OSBPL1A: variants seen among roughly 807,000 people sequenced by gnomAD.
OSBPL1A encodes the protein oxysterol binding protein like 1A, also known as oxysterol-binding protein-related protein 1.
Under a neutral mutation model 137.1 loss-of-function variants are expected in OSBPL1A, and 80 were observed. The observed-to-expected ratio is 0.58, with a 90% CI of 0.49 to 0.70. The LOEUF (loss-of-function observed/expected upper bound fraction) is 0.70, where lower values mean the gene tolerates loss of function less well. Among genes scored for constraint, OSBPL1A ranks in the 30% least tolerant of loss-of-function variants. OSBPL1A has a pLI of 0.00. For missense variants in OSBPL1A, 970 were observed against 1,129.4 expected, an observed-to-expected ratio of 0.86 and a Z score of 2.02; for synonymous variants, 365 against 389.7, an observed-to-expected ratio of 0.94 and a Z score of 0.75.
chr18:24,219,221 A>G (rs181363238), intron 17 of OSBPL1A, among the ~76,000 whole-genome samples: 26 of 152,212 alleles, frequency 1.7e-4, no homozygotes, highest in African/African-American at 5.5e-4. Flanking sequence ...GAGACCAAGG[A>G]GGTTGAGGCT....
intron 14 of OSBPL1A, among the ~76,000 whole-genome samples, chr18:24,281,274 C>T (rs1162279183): frequency 1.3e-5 from 2 of 151,818 alleles, no homozygotes; most frequent in Non-Finnish European, 2.9e-5. Context: ...TTAGTAGAGA[C>T]GGGGATTCAC....
intron 2 of OSBPL1A, among the ~76,000 whole-genome samples, chr18:24,371,691 T>C (rs1228402408): frequency 1.3e-5 from 2 of 152,146 alleles, no homozygotes; most frequent in African/African-American, 4.8e-5. Context: ...CATTCTACTC[T>C]TCACTGGCTC....
At chr18:24,178,263 T>C (rs1365997620) in intron 20 of OSBPL1A, 68 bp from the exon 21 acceptor site, 1 of 1,301,498 alleles carries the variant, frequency 7.7e-7, no homozygotes, top group Non-Finnish European at 1.0e-6. Flanking sequence ...TCATTAAACA[T>C]GTACATAATT....
Position 24,213,776 on chromosome 18 carries a change from TTAA to T in OSBPL1A, c.1601+11263_1601+11265del, listed in dbSNP as rs1363794792. On this transcript the variant is annotated intron_variant, in intron 17 of 27. Coordinates refer to ENST00000319481, the MANE Select transcript of OSBPL1A (RefSeq NM_080597.4). ...ACAAGAGGTTTTACTTGTTTTGACT[TTAA>T]TAAGTTAAAATTGTATGTACACAAT... Among the ~76,000 whole-genome samples, 3 of 152,216 alleles carry T rather than the reference TTAA, an allele frequency of 2.0e-5. No individual in the cohort carries two copies. In the South Asian group the frequency reaches 6.2e-4, roughly 31 times the overall value.
At chr18:24,382,509 C>T (rs1227776032) in intron 1 of OSBPL1A, among the ~76,000 whole-genome samples, 3 of 151,302 alleles carry the variant, frequency 2.0e-5, no homozygotes, top group Admixed American at 2.0e-4. Flanking sequence ...CCCAGGAGGT[C>T]GAGGCTGCAG....
At position 24,181,217 on chromosome 18, in the gene OSBPL1A, T is replaced by C. The variant is rs75368037; in HGVS notation, c.1740A>G (p.Leu580=). Residue 580 remains leucine, a synonymous_variant, in exon 19 of 28, where the codon CTA becomes CTG. Coordinates refer to ENST00000319481, the MANE Select transcript of OSBPL1A (RefSeq NM_080597.4). The part of the protein sequence containing the change: ...FNEPLSFLQR[L]TEYMEHTYLI... ...GGTAAGTATGCTCCATGTATTCAGT[T>C]AGGCGCTGTAGGAAGCTCAGAGGCT... 2 of 1,614,106 alleles carry C rather than the reference T, an allele frequency of 1.2e-6. No homozygotes were observed. Among genetic ancestry groups the C allele is most frequent in the East Asian group, 2.2e-5 (1 of 44,870 alleles).
At chr18:24,235,492 A>G (rs1396572631) in intron 16 of OSBPL1A, among the ~76,000 whole-genome samples, 2 of 152,224 alleles carry the variant, frequency 1.3e-5, no homozygotes, top group African/African-American at 2.4e-5. Flanking sequence ...CTCCATTAGT[A>G]AAACACAGAT....
chr18:24,378,929 C>T (rs986214591), intron 1 of OSBPL1A, among the ~76,000 whole-genome samples: 8 of 152,126 alleles, frequency 5.3e-5, no homozygotes, highest in Admixed American at 3.3e-4. Context: ...TTTCAATCAA[C>T]TTTCTAGCTC....
At chr18:24,317,443 G>A (rs751203006) in intron 9 of OSBPL1A, 43 bp from the exon 10 acceptor site, 1 of 1,450,240 alleles carries the variant, frequency 6.9e-7, no homozygotes, top group South Asian at 1.1e-5. Context: ...GACACATCTA[G>A]ATTCAAATGC....
intron 21 of OSBPL1A, among the ~76,000 whole-genome samples, chr18:24,174,825 G>A (rs535839763): frequency 2.6e-5 from 4 of 151,830 alleles, no homozygotes; most frequent in South Asian, 4.2e-4. Context: ...CTAGGATGGA[G>A]TGCAGTGGTG....
At chr18:24,347,427 C>A (rs2091363803) in intron 4 of OSBPL1A, among the ~76,000 whole-genome samples, 1 of 152,150 alleles carries the variant, frequency 6.6e-6, no homozygotes, top group Admixed American at 6.6e-5. Flanking sequence ...TCAGGCGATC[C>A]GCCCGTCTTG....
intron 15 of OSBPL1A, among the ~76,000 whole-genome samples, chr18:24,240,975 G>A (rs1034554646): frequency 1.3e-5 from 2 of 152,090 alleles, no homozygotes; most frequent in Admixed American, 6.6e-5. Flanking sequence ...AACACCACAC[G>A]TCTACCACCA....
chr18:24,257,523 C>G lies in OSBPL1A; in HGVS notation c.1282-18141G>C, dbSNP rs545220227. On this transcript the variant is annotated intron_variant, in intron 15 of 27. Transcript: ENST00000319481. Reference sequence around the variant, plus strand: ...AAATCTAAGACCTCAGACTATGAAACTACTACAAGGAAACACTAGGGAAAC... The same window carrying G: ...AAATCTAAGACCTCAGACTATGAAAGTACTACAAGGAAACACTAGGGAAAC... Among the ~76,000 whole-genome samples the G allele has an allele frequency of 9.9e-5, 15 of 152,234 alleles. No individual in the cohort carries two copies. The South Asian group carries it at 2.9e-3, about 29-fold the overall frequency.
At chr18:24,337,906 C>G (rs534908014) in intron 5 of OSBPL1A, among the ~76,000 whole-genome samples, 1 of 151,710 alleles carries the variant, frequency 6.6e-6, no homozygotes, top group African/African-American at 2.4e-5. Flanking sequence ...GCAAATTACT[C>G]TCAAATAGTT....
chr18:24,230,983 G>T (rs1444744109), intron 16 of OSBPL1A, among the ~76,000 whole-genome samples: 5 of 152,126 alleles, frequency 3.3e-5, no homozygotes, highest in African/African-American at 1.2e-4. Flanking sequence ...CACGTGCAGT[G>T]GTGTGCACCT....
At chr18:24,392,316 A>G (rs1006235292) in intron 1 of OSBPL1A, among the ~76,000 whole-genome samples, 7 of 151,898 alleles carry the variant, frequency 4.6e-5, no homozygotes, top group Non-Finnish European at 8.8e-5. Flanking sequence ...ATGTGCCACC[A>G]TGCCTGGCTA....
chr18:24,313,154 A>G (rs1190650600), intron 12 of OSBPL1A, among the ~76,000 whole-genome samples: 1 of 151,086 alleles, frequency 6.6e-6, no homozygotes, highest in African/African-American at 2.4e-5. Context: ...TAAAAGAAAA[A>G]GAAAAGGGCC....
rs1194370643 is a variant in OSBPL1A, at chr18:24,166,434, T to G, written c.2659+145A>C. 5.7e-6 allele frequency: 6 copies of G among 1,045,208 alleles called. No homozygotes were observed. The African/African-American group carries it at 9.9e-5, about 17-fold the overall frequency. The allele number at this position is 1,045,208 out of a possible 1,614,324, so 64.7% of individuals were successfully genotyped here. On this transcript the variant is annotated intron_variant, in intron 26 of 27. Coordinates refer to ENST00000319481, the MANE Select transcript of OSBPL1A (RefSeq NM_080597.4). ...AATTTAAAATAAAAGTTACTGAATT[T>G]AAATTGAATGTTAACTCAAACTTAA...
intron 14 of OSBPL1A, among the ~76,000 whole-genome samples, chr18:24,301,801 A>T (rs551530500): frequency 6.6e-6 from 1 of 152,374 alleles, no homozygotes; most frequent in African/African-American, 2.4e-5. Context: ...AAGTAAAGAG[A>T]TGCCATAGGT....
Sources: gnomAD v4.1 joint callset for allele counts (sites outside exome capture counted in the v4.1 genomes callset) on GRCh38, gnomAD v4.1.1 for gene constraint, MANE v1.5 for transcripts, NCBI Gene and HGNC (gene_info 2026-07-23, HGNC 2026-07-21) for gene names.